Variants in STARD13 observed in about 807,000 individuals in gnomAD.
STARD13 encodes StAR related lipid transfer domain containing 13, also known as stAR-related lipid transfer protein 13.
STARD13 carries 62 observed loss-of-function variants against 106.4 expected under a neutral mutation model. The observed-to-expected ratio is 0.58, with a 90% CI of 0.48 to 0.72. The LOEUF is 0.72. Ranked by LOEUF, STARD13 falls within the 30% of genes least tolerant of loss-of-function variation. STARD13 has a pLI of 0.00. For missense variants in STARD13, 1,387 were observed against 1,424.0 expected, an observed-to-expected ratio of 0.97 and a Z score of 0.42; for synonymous variants, 565 against 553.0, an observed-to-expected ratio of 1.02 and a Z score of -0.31.
rs1228690053 is a variant in STARD13 at position 33,207,302 on chromosome 13, ACT to A, written c.170-39682_170-39681del. 5.3e-5 allele frequency among the ~76,000 whole-genome samples: 8 copies of A among 152,220 alleles called. No individual in the cohort carries two copies. In the South Asian group the frequency reaches 1.7e-3, roughly 32 times the overall value. ...AGTTTGATACCTTAGTTCTCCTTCCACTCTCACTCAATAGAACCCTAGAACTG... is the reference window on the plus strand; with the variant it reads ...AGTTTGATACCTTAGTTCTCCTTCCACTCACTCAATAGAACCCTAGAACTG... On this transcript the variant is annotated intron_variant, in intron 1 of 13. Transcript: ENST00000336934.
exon 1 of STARD13, chr13:33,350,421 C>A (rs1339035463): frequency 6.5e-7 from 1 of 1,531,490 alleles, no homozygotes; most frequent in Non-Finnish European, 8.7e-7. Flanking sequence ...CATTTTAGAT[C>A]CGTCCTCATA....
the STARD13 span, among the ~76,000 whole-genome samples, chr13:33,532,727 A>G: frequency 6.6e-6 from 1 of 152,216 alleles, no homozygotes; most frequent in Non-Finnish European, 1.5e-5. Flanking sequence ...GGTATAAAAA[A>G]GTTGTACTTC....
chr13:33,127,942 C>G (rs2764616), intron 5 of STARD13, among the ~76,000 whole-genome samples: 1 of 149,540 alleles, frequency 6.7e-6, no homozygotes, highest in African/African-American at 2.5e-5. Flanking sequence ...AGGAAAGAGA[C>G]GGAGACAGGG....
chr13:33,522,780 T>C, the STARD13 span, among the ~76,000 whole-genome samples: 1 of 152,190 alleles, frequency 6.6e-6, no homozygotes, highest in African/African-American at 2.4e-5. Context: ...CTTGGGCAAG[T>C]CACCTACCTT....
the STARD13 span, among the ~76,000 whole-genome samples, chr13:33,390,257 A>G: frequency 6.6e-6 from 1 of 152,186 alleles, no homozygotes; most frequent in Non-Finnish European, 1.5e-5. Flanking sequence ...GTTGAGATTA[A>G]CTTCAGTTCT....
At chr13:33,520,153 T>C in the STARD13 span, 4 of 152,162 alleles carry the variant, frequency 2.6e-5, no homozygotes, top group African/African-American at 9.6e-5. Flanking sequence ...GTAAAGGCTA[T>C]AAAACAAACC....
chr13:33,329,704 CTTTTTTTT>C (rs1270014763), intron 1 of STARD13, among the ~76,000 whole-genome samples: 1 of 126,318 alleles, frequency 7.9e-6, no homozygotes, highest in Non-Finnish European at 1.7e-5. Context: ...CACTTTCTTT[CTTTTTTTT>C]TTTTTTTTTG....
At chr13:33,550,938 C>T in the STARD13 span, among the ~76,000 whole-genome samples, 1 of 152,314 alleles carries the variant, frequency 6.6e-6, no homozygotes, top group South Asian at 2.1e-4. Flanking sequence ...TCCACTTATA[C>T]CACCATCCAG....
intron 1 of STARD13, among the ~76,000 whole-genome samples, chr13:33,200,008 T>G (rs575490902): frequency 1.3e-4 from 20 of 152,370 alleles, no homozygotes; most frequent in African/African-American, 4.6e-4. Context: ...TTTTATGGCA[T>G]AATCTTTGCT....
the STARD13 span, among the ~76,000 whole-genome samples, chr13:33,438,725 T>TTCTTC: frequency 6.6e-6 from 1 of 152,202 alleles, no homozygotes; most frequent in African/African-American, 2.4e-5. Flanking sequence ...CAGATGACTA[T>TTCTTC]ATCCCAGAGA....
intron 1 of STARD13, among the ~76,000 whole-genome samples, chr13:33,277,036 TC>T (rs1250657045): frequency 1.7e-5 from 2 of 118,912 alleles, no homozygotes; most frequent in Non-Finnish European, 3.4e-5. Flanking sequence ...TTATTTTAGA[TC>T]CTAAGCTTCT....
At chr13:33,509,710 C>A in the STARD13 span, among the ~76,000 whole-genome samples, 5 of 152,164 alleles carry the variant, frequency 3.3e-5, no homozygotes, top group Non-Finnish European at 5.9e-5. Context: ...AAGAAATTAA[C>A]AGAGCAACAG....
chr13:33,361,925 A>G, the STARD13 span, among the ~76,000 whole-genome samples: 5 of 152,192 alleles, frequency 3.3e-5, no homozygotes, highest in Non-Finnish European at 7.3e-5. Context: ...TACCTTCCAT[A>G]TGAGAAAATA....
chr13:33,174,805 T>C (rs1884339322), intron 1 of STARD13, among the ~76,000 whole-genome samples: 1 of 152,184 alleles, frequency 6.6e-6, no homozygotes, highest in Non-Finnish European at 1.5e-5. Flanking sequence ...GCATGTCTGT[T>C]AGTGTGGTGT....
rs554395798 is a variant in STARD13, at chr13:33,266,220, T to C, written c.169+19250A>G. Among the ~76,000 whole-genome samples, 9 of 152,348 alleles carry C rather than the reference T, an allele frequency of 5.9e-5. No individual in the cohort carries two copies. In the South Asian group the frequency reaches 1.7e-3, roughly 28 times the overall value. On this transcript the variant is annotated intron_variant, in intron 1 of 13. Coordinates refer to ENST00000336934, the MANE Select transcript of STARD13 (RefSeq NM_178006.4). The stretch of plus-strand genomic sequence containing the variant: ...AAGTGACTTTAACCTCTCTGGGTTT[T>C]CGTTTCTTAATCTTTAAAATGGGAA...
At chr13:33,112,100 T>TAA in intron 9 of STARD13, among the ~76,000 whole-genome samples, 1 of 152,346 alleles carries the variant, frequency 6.6e-6, no homozygotes. Flanking sequence ...CTTGGAAAAC[T>TAA]AAAGGGCAGG....
the STARD13 span, among the ~76,000 whole-genome samples, chr13:33,468,943 C>T: frequency 6.6e-6 from 1 of 152,008 alleles, no homozygotes; most frequent in South Asian, 2.1e-4. Context: ...ATGAAGGTAG[C>T]ACCATTAGAA....
chr13:33,306,940 A>T (rs2138483876), intron 1 of STARD13, among the ~76,000 whole-genome samples: 1 of 147,146 alleles, frequency 6.8e-6, no homozygotes, highest in South Asian at 2.2e-4. Context: ...ACAGAGTGAG[A>T]CTCCTTCTCA....
At chr13:33,407,496 A>G in the STARD13 span, among the ~76,000 whole-genome samples, 1 of 152,050 alleles carries the variant, frequency 6.6e-6, no homozygotes, top group Non-Finnish European at 1.5e-5. Flanking sequence ...ATTTCTTCCT[A>G]TTTTTTCTGG....
Sources: allele counts gnomAD v4.1 joint callset (sites outside exome capture counted in the v4.1 genomes callset), GRCh38; gene constraint gnomAD v4.1.1; transcripts MANE v1.5; gene names NCBI Gene and HGNC (gene_info 2026-07-23, HGNC 2026-07-21).